CBFA2T2: variants seen among roughly 807,000 people sequenced by gnomAD.
CBFA2T2 encodes CBFA2/RUNX1 partner transcriptional co-repressor 2.
CBFA2T2 carries 11 observed loss-of-function variants against 62.2 expected under a neutral mutation model. The ratio of observed to expected loss-of-function variants is 0.18; its 90% CI spans 0.11 to 0.29. CBFA2T2 has a LOEUF of 0.29. Among genes scored for constraint, CBFA2T2 ranks in the 10% least tolerant of loss-of-function variants. CBFA2T2 has a pLI of 1.00. For synonymous variants in CBFA2T2, 295 were observed against 287.5 expected (o/e 1.03, Z -0.27); for missense variants, 592 against 774.1 (o/e 0.76, Z 2.79).
At chr20:33,531,149 G>T (rs777252667) in intron 1 of CBFA2T2, among the ~76,000 whole-genome samples, 2 of 152,154 alleles carry the variant, frequency 1.3e-5, no homozygotes, top group Non-Finnish European at 2.9e-5. Context: ...TGAGAGCAAG[G>T]GTTTAAGGAC....
chr20:33,628,284 T>C, intron 6 of CBFA2T2, 66 bp from the exon 7 acceptor site: 3 of 1,019,868 alleles, frequency 2.9e-6, no homozygotes, highest in Non-Finnish European at 4.7e-6. Context: ...GTGTATTTAC[T>C]TGGTAGAATT....
chr20:33,558,161 T>C (rs2012968476), intron 1 of CBFA2T2, among the ~76,000 whole-genome samples: 1 of 151,364 alleles, frequency 6.6e-6, no homozygotes, highest in Non-Finnish European at 1.5e-5. Context: ...TGAGACTCTG[T>C]CTCACTCTCG....
chr20:33,546,180 C>A (rs184685027), intron 1 of CBFA2T2, among the ~76,000 whole-genome samples: 222 of 152,124 alleles, frequency 1.5e-3, no homozygotes, highest in Admixed American at 3.9e-3. Context: ...GACATTTTTT[C>A]TTTACTTTTT....
At chr20:33,619,877 G>T (rs1044383486) in intron 4 of CBFA2T2, among the ~76,000 whole-genome samples, 3 of 152,206 alleles carry the variant, frequency 2.0e-5, no homozygotes, top group Admixed American at 1.3e-4. Flanking sequence ...TGGGCTGGAA[G>T]TGTGAAAGTG....
Position 33,492,729 on chromosome 20 carries a change from C to T in CBFA2T2, c.34+2428C>T, listed in dbSNP as rs550335410. ...TCTTGCTTTGTTGCCCATGCTAGTC[C>T]GGAAGTCCTGGGCTTGAGTAATCCT... On this transcript the variant is annotated intron_variant, in intron 1 of 10. Coordinates refer to ENST00000342704, the MANE Select transcript of CBFA2T2 (RefSeq NM_001032999.3). Among the ~76,000 whole-genome samples, 23 of 151,918 alleles carry T rather than the reference C, an allele frequency of 1.5e-4. 1 individual carries two copies. The highest frequency in any genetic ancestry group is 1.3e-3 in the Admixed American group (20 of 15,222).
Position 33,502,508 on chromosome 20 carries a change from G to T in CBFA2T2, c.34+12207G>T, listed in dbSNP as rs181689730. Among the ~76,000 whole-genome samples, 1,257 of 151,748 alleles carry T rather than the reference G, an allele frequency of 8.3e-3. 3 individuals carry two copies. The highest frequency in any genetic ancestry group is 0.012 in the Non-Finnish European group (815 of 67,942). On this transcript the variant is annotated intron_variant, in intron 1 of 10. Transcript: ENST00000342704. ...TGCAAGCTCCGCCTCCCGGGTTCAC[G>T]CCATTCTGCCTCAGCCTTCCGAGTA...
chr20:33,490,463 G>C (rs1004061017), intron 1 of CBFA2T2, among the ~76,000 whole-genome samples, 162 bp downstream of exon 1: 1 of 152,128 alleles, frequency 6.6e-6, no homozygotes, highest in Admixed American at 6.5e-5. Flanking sequence ...GGGCCTTCCC[G>C]GGCTCCTGAG....
chr20:33,535,357 A>G (rs992450973), intron 1 of CBFA2T2, among the ~76,000 whole-genome samples: 3 of 151,714 alleles, frequency 2.0e-5, no homozygotes, highest in Admixed American at 6.6e-5. Context: ...ACACTGGGTC[A>G]TATTCCCACA....
intron 10 of CBFA2T2, among the ~76,000 whole-genome samples, chr20:33,642,751 G>A (rs572355511): frequency 3.9e-5 from 6 of 152,252 alleles, no homozygotes; most frequent in African/African-American, 1.4e-4. Context: ...ATCTGTATTT[G>A]TCCTTATTTA....
intron 1 of CBFA2T2, among the ~76,000 whole-genome samples, chr20:33,497,289 A>AAC (rs2011211296): frequency 6.6e-6 from 1 of 150,772 alleles, no homozygotes; most frequent in Non-Finnish European, 1.5e-5. Flanking sequence ...AAAAAAAAAA[A>AAC]AAAAAAAAAG....
chr20:33,574,738 G>C (rs1440554405), intron 1 of CBFA2T2, among the ~76,000 whole-genome samples: 1 of 152,220 alleles, frequency 6.6e-6, no homozygotes, highest in Non-Finnish European at 1.5e-5. Flanking sequence ...GAATTTCATG[G>C]GGGTATTTTG....
At chr20:33,624,393 A>G (rs146444516) in intron 5 of CBFA2T2, among the ~76,000 whole-genome samples, 55 of 151,480 alleles carry the variant, frequency 3.6e-4, no homozygotes, top group African/African-American at 1.2e-3. Context: ...CCTCCCATGT[A>G]GTTTCTTTCC....
At chr20:33,574,136 C>T in intron 1 of CBFA2T2, 1 of 1,590,478 alleles carries the variant, frequency 6.3e-7, no homozygotes, top group Non-Finnish European at 8.6e-7. Flanking sequence ...TTTTGTGGAG[C>T]ACAATCCTGA....
chr20:33,620,246 A>G lies in CBFA2T2; in HGVS notation c.510+640A>G, dbSNP rs1194810431. Among the ~76,000 whole-genome samples, 4 of 152,102 alleles carry G rather than the reference A, an allele frequency of 2.6e-5. No individual in the cohort carries two copies. In the East Asian group the frequency reaches 7.7e-4, roughly 29 times the overall value. ...CTTTTGGCCAGTCACGGTGGTTCAC[A>G]CCTATAATCCCAGCACTTTGGGAGG... On this transcript the variant is annotated intron_variant, in intron 4 of 10. Transcript: ENST00000342704.
chr20:33,554,871 G>T (rs1430978358), intron 1 of CBFA2T2, among the ~76,000 whole-genome samples: 1 of 152,052 alleles, frequency 6.6e-6, no homozygotes, highest in Non-Finnish European at 1.5e-5. Context: ...TAGATTGAAT[G>T]TCAGAGTACC....
At chr20:33,544,945 C>CAGAATAGAAT (rs765681667) in intron 1 of CBFA2T2, among the ~76,000 whole-genome samples, 2,913 of 130,912 alleles carry the variant, frequency 0.022, 54 homozygotes, top group African/African-American at 0.035. Flanking sequence ...TAGAATAGAA[C>CAGAATAGAAT]AGAATAGAAT....
At chr20:33,629,137 A>T (rs1463710040) in intron 7 of CBFA2T2, among the ~76,000 whole-genome samples, 2 of 152,158 alleles carry the variant, frequency 1.3e-5, no homozygotes, top group Non-Finnish European at 2.9e-5. Context: ...ATCAAAAGAA[A>T]CTTTCTTTTT....
chr20:33,621,761 C>T (rs1032054625), intron 4 of CBFA2T2, among the ~76,000 whole-genome samples: 39 of 152,016 alleles, frequency 2.6e-4, no homozygotes, highest in African/African-American at 9.2e-4. Context: ...TTTTTAAAAC[C>T]TTCTATTGGA....
At chr20:33,642,164 G>GTGTGTGTGT (rs2016883336) in intron 10 of CBFA2T2, among the ~76,000 whole-genome samples, 1 of 145,568 alleles carries the variant, frequency 6.9e-6, no homozygotes. Flanking sequence ...GTGTGTGTGT[G>GTGTGTGTGT]GATAACAGGG....
Sources: allele counts gnomAD v4.1 joint callset (sites outside exome capture counted in the v4.1 genomes callset), GRCh38; gene constraint gnomAD v4.1.1; transcripts MANE v1.5; gene names NCBI Gene and HGNC (gene_info 2026-07-23, HGNC 2026-07-21).